TRPC4: variants seen among roughly 807,000 people sequenced by gnomAD.
The protein encoded by TRPC4 is short transient receptor potential channel 4.
In TRPC4, 49 loss-of-function variants were observed where a neutral mutation model predicts 99.4. The ratio of observed to expected loss-of-function variants is 0.49; its 90% CI spans 0.39 to 0.63. The LOEUF (loss-of-function observed/expected upper bound fraction) is 0.63. TRPC4 is among the 20% of genes least tolerant of loss of function. TRPC4 has a pLI of 0.00. For missense variants in TRPC4, 898 were observed against 1,152.9 expected (o/e 0.78, Z 3.20); for synonymous variants, 454 against 425.9 (o/e 1.07, Z -0.81).
chr13:37,693,813 C>T (rs1476423637), intron 3 of TRPC4, among the ~76,000 whole-genome samples: 3 of 152,084 alleles, frequency 2.0e-5, no homozygotes, highest in African/African-American at 7.2e-5. Flanking sequence ...AATATGCAAA[C>T]AATTGAATTA....
intron 2 of TRPC4, among the ~76,000 whole-genome samples, chr13:37,768,265 T>G: frequency 6.6e-6 from 1 of 151,490 alleles, no homozygotes; most frequent in Non-Finnish European, 1.5e-5. Flanking sequence ...TCTTAAAAAT[T>G]TCTTCTCTTC....
chr13:37,840,646 T>A (rs532878117), intron 1 of TRPC4, among the ~76,000 whole-genome samples: 19 of 152,118 alleles, frequency 1.2e-4, no homozygotes, highest in Admixed American at 9.2e-4. Context: ...ATAATATTAT[T>A]ATTTAAAAAG....
chr13:37,706,872 AC>A (rs1331886954), intron 3 of TRPC4, among the ~76,000 whole-genome samples: 5 of 152,168 alleles, frequency 3.3e-5, no homozygotes, highest in East Asian at 3.9e-4. Flanking sequence ...TTCTACAGGA[AC>A]TGATGAAAGA....
intron 6 of TRPC4, among the ~76,000 whole-genome samples, chr13:37,655,882 C>G (rs966979718): frequency 5.9e-5 from 9 of 152,034 alleles, no homozygotes; most frequent in Admixed American, 1.3e-4. Flanking sequence ...AATGATAGAT[C>G]CCAAATTTTA....
chr13:37,642,800 G>A (rs1261925121), intron 8 of TRPC4, among the ~76,000 whole-genome samples: 1 of 147,628 alleles, frequency 6.8e-6, no homozygotes, highest in Non-Finnish European at 1.5e-5. Context: ...CAATGATCTC[G>A]GCACACTGCA....
intron 2 of TRPC4, among the ~76,000 whole-genome samples, chr13:37,752,321 C>G (rs1955957149): frequency 6.6e-6 from 1 of 151,666 alleles, no homozygotes; most frequent in Admixed American, 6.6e-5. Context: ...GGCTGCCATT[C>G]TTTTTCTACT....
At chr13:37,707,002 T>C (rs541166259) in intron 3 of TRPC4, among the ~76,000 whole-genome samples, 2 of 152,092 alleles carry the variant, frequency 1.3e-5, no homozygotes, top group South Asian at 2.1e-4. Flanking sequence ...AACAGACATA[T>C]GCATGTCTAA....
chr13:37,772,934 T>C (rs1265343677), intron 2 of TRPC4, among the ~76,000 whole-genome samples: 5 of 151,748 alleles, frequency 3.3e-5, no homozygotes, highest in Non-Finnish European at 7.4e-5. Flanking sequence ...CGCCTCCCCC[T>C]TCCCAGAAAT....
chr13:37,784,328 G>A (rs537964961), intron 1 of TRPC4, among the ~76,000 whole-genome samples: 1 of 152,124 alleles, frequency 6.6e-6, no homozygotes, highest in African/African-American at 2.4e-5. Flanking sequence ...TTATTTAGAA[G>A]TTAAAGTAAG....
chr13:37,826,117 G>T (rs200284812), intron 1 of TRPC4, among the ~76,000 whole-genome samples: 1 of 102,074 alleles, frequency 9.8e-6, no homozygotes, highest in Non-Finnish European at 2.0e-5. Flanking sequence ...TTTGTTTTCC[G>T]TTTGCTTGGT....
rs1363234145 is a variant in TRPC4 at position 37,822,673 on chromosome 13, T to A, written c.-27-39313A>T. 2.6e-5 allele frequency among the ~76,000 whole-genome samples: 4 copies of A among 152,174 alleles called. No homozygotes were observed. The East Asian group carries it at 7.8e-4, about 29-fold the overall frequency. ...ATTTTCTTCATCCAGTCTATCATTGTTGGACATTTGGGTTGGTTCCAAGTC... is the reference window on the plus strand; with the variant it reads ...ATTTTCTTCATCCAGTCTATCATTGATGGACATTTGGGTTGGTTCCAAGTC... On this transcript the variant is annotated intron_variant, in intron 1 of 10. Transcript: ENST00000379705.
At chr13:37,800,445 G>A (rs997430426) in intron 1 of TRPC4, among the ~76,000 whole-genome samples, 3 of 152,102 alleles carry the variant, frequency 2.0e-5, no homozygotes, top group Non-Finnish European at 4.4e-5. Context: ...GAGAGGTAGT[G>A]ATCAGCTAGG....
chr13:37,730,387 T>C (rs949117292), intron 3 of TRPC4, among the ~76,000 whole-genome samples: 6 of 152,186 alleles, frequency 3.9e-5, no homozygotes, highest in Non-Finnish European at 7.4e-5. Context: ...ATTAAATTAT[T>C]CAGTAAATGT....
chr13:37,690,761 G>A (rs1354510186), intron 4 of TRPC4, among the ~76,000 whole-genome samples: 2 of 151,448 alleles, frequency 1.3e-5, no homozygotes, highest in African/African-American at 4.8e-5. Context: ...CTTAAAGTAT[G>A]GTTTTTATAA....
At chr13:37,686,118 G>A (rs535667305) in intron 4 of TRPC4, among the ~76,000 whole-genome samples, 52 of 152,196 alleles carry the variant, frequency 3.4e-4, no homozygotes, top group African/African-American at 1.1e-3. Flanking sequence ...AAAGTAATAC[G>A]AATATTTCTT....
rs61958362 is a variant in TRPC4 at position 37,813,587 on chromosome 13, A to C, written c.-27-30227T>G. Among the ~76,000 whole-genome samples the C allele has an allele frequency of 2.6e-5, 4 of 151,784 alleles. No individual in the cohort carries two copies. In the East Asian group the frequency reaches 7.8e-4, roughly 29 times the overall value. On this transcript the variant is annotated intron_variant, in intron 1 of 10. Coordinates refer to ENST00000379705, the MANE Select transcript of TRPC4 (RefSeq NM_016179.4). The stretch of plus-strand genomic sequence containing the variant: ...GATGTTACAGAATTAAAAAACATTA[A>C]AAGTGTACAACTGTATGCCAACAAA...
intron 2 of TRPC4, among the ~76,000 whole-genome samples, chr13:37,773,091 G>A (rs1431067714): frequency 6.6e-6 from 1 of 151,682 alleles, no homozygotes; most frequent in Non-Finnish European, 1.5e-5. Flanking sequence ...GATTCAGTCA[G>A]GGGCCTCTGG....
intron 1 of TRPC4, among the ~76,000 whole-genome samples, chr13:37,791,935 G>GATGA (rs2139391477): frequency 6.6e-6 from 1 of 152,292 alleles, no homozygotes; most frequent in Non-Finnish European, 1.5e-5. Flanking sequence ...AAAGGAAAAA[G>GATGA]CGGAAGAGAT....
At chr13:37,732,537 A>G (rs1195688543) in intron 3 of TRPC4, among the ~76,000 whole-genome samples, 2 of 152,158 alleles carry the variant, frequency 1.3e-5, no homozygotes, top group African/African-American at 4.8e-5. Flanking sequence ...AACCCTGTTC[A>G]ACGACGACAT....
Sources: gnomAD v4.1 joint callset for allele counts (sites outside exome capture counted in the v4.1 genomes callset) on GRCh38, gnomAD v4.1.1 for gene constraint, MANE v1.5 for transcripts, NCBI Gene and HGNC (gene_info 2026-07-23, HGNC 2026-07-21) for gene names.